COL19A1: variants seen among roughly 807,000 people sequenced by gnomAD.
COL19A1 encodes the protein collagen alpha-1(XIX) chain.
COL19A1 carries 159 observed loss-of-function variants against 190.2 expected under a neutral mutation model. That is an observed-to-expected ratio of 0.84 (90% confidence interval 0.73 to 0.95). COL19A1 has a LOEUF of 0.95. Ranked by LOEUF, COL19A1 falls within the 40% of genes least tolerant of loss-of-function variation. The pLI, the probability that COL19A1 is intolerant of heterozygous loss-of-function variation, is 0.00. For synonymous variants in COL19A1, 509 were observed against 458.9 expected (o/e 1.11, Z -1.39); for missense variants, 1,418 against 1,431.9 (o/e 0.99, Z 0.16).
At chr6:69,921,509 CAT>C (rs1411229188) in intron 4 of COL19A1, among the ~76,000 whole-genome samples, 22 of 81,740 alleles carry the variant, frequency 2.7e-4, no homozygotes, top group African/African-American at 1.0e-3. Flanking sequence ...CATATATATT[CAT>C]ATGTATATTC....
rs574513152 is a variant in COL19A1 at position 70,210,999 on chromosome 6, A to G, written c.*3725A>G. ...CACCACTCTCATATTTTAGTGATCA[A>G]TATGAAGACAGCTAAATAATTATCC... is the stretch of plus-strand genomic sequence containing the variant. On this transcript the variant is annotated 3_prime_UTR_variant, in exon 51 of 51. Transcript: ENST00000620364. Among the ~76,000 whole-genome samples, 2 of 152,150 alleles carry G rather than the reference A, an allele frequency of 1.3e-5. No homozygotes were observed. Among genetic ancestry groups the G allele is most frequent in the East Asian group, 1.9e-4 (1 of 5,180 alleles).
At chr6:70,115,825 GTTT>G (rs57814985) in intron 16 of COL19A1, among the ~76,000 whole-genome samples, 24,446 of 116,952 alleles carry the variant, frequency 0.21, 2,192 homozygotes, top group Non-Finnish European at 0.27. Context: ...TTGGTGTTTT[GTTT>G]TTTTTTTTTT....
intron 15 of COL19A1, among the ~76,000 whole-genome samples, chr6:70,070,657 G>A (rs568087286): frequency 3.4e-4 from 52 of 152,144 alleles, no homozygotes; most frequent in African/African-American, 1.2e-3. Context: ...AAAAATGAGC[G>A]TTCTTACATA....
chr6:70,188,199 C>T lies in COL19A1; in HGVS notation c.2981C>T (p.Pro994Leu). 1 of 1,613,156 alleles carries T rather than the reference C, an allele frequency of 6.2e-7. No individual in the cohort carries two copies. Among genetic ancestry groups the T allele is most frequent in the Admixed American group, 1.7e-5 (1 of 59,946 alleles). ...GGAAACAAGGGCTCCATGGGATCCC[C>T]TGGCCACCAAGGCCCTCCAGGCTCT... ...PPGNKGSMGS[P>L]GHQGPPGSPG... Residue 994 changes from proline to leucine, a missense_variant, in exon 47 of 51, where the codon CCT becomes CTT. Physicochemically the swap from Pro to Leu is moderately conservative, Grantham distance 98 (BLOSUM62 -3). Coordinates refer to ENST00000620364, the MANE Select transcript of COL19A1 (RefSeq NM_001858.6).
At chr6:70,031,842 A>C (rs1467347394) in intron 12 of COL19A1, among the ~76,000 whole-genome samples, 1 of 152,124 alleles carries the variant, frequency 6.6e-6, no homozygotes, top group Non-Finnish European at 1.5e-5. Context: ...TATCACATTC[A>C]GCCTGTTGAC....
intron 15 of COL19A1, among the ~76,000 whole-genome samples, chr6:70,084,322 C>T (rs781123154): frequency 6.6e-6 from 1 of 152,118 alleles, no homozygotes; most frequent in Admixed American, 6.5e-5. Flanking sequence ...TGTTCAGAGT[C>T]ACAAAGCCAG....
Position 70,141,880 on chromosome 6 carries a change from A to C in COL19A1, c.1483-13A>C. 1 of 1,546,870 alleles carries C rather than the reference A, an allele frequency of 6.5e-7. No individual in the cohort carries two copies. The highest frequency in any genetic ancestry group is 8.9e-7 in the Non-Finnish European group (1 of 1,119,632). ...TTTAAGCATTACCCTTATAGTAATTATTTTATTTACAGGGAGAACCTGGGG... is the reference window on the plus strand; with the variant it reads ...TTTAAGCATTACCCTTATAGTAATTCTTTTATTTACAGGGAGAACCTGGGG... On this transcript the variant is annotated splice_polypyrimidine_tract_variant and intron_variant, in intron 20 of 50. Transcript: ENST00000620364.
intron 9 of COL19A1, among the ~76,000 whole-genome samples, chr6:69,956,277 G>A (rs1774413727): frequency 6.6e-6 from 1 of 151,780 alleles, no homozygotes; most frequent in Non-Finnish European, 1.5e-5. Flanking sequence ...TTTCAAATTG[G>A]CCTTATCCTG....
At chr6:69,924,734 C>T (rs1562002828) in intron 4 of COL19A1, among the ~76,000 whole-genome samples, 1 of 152,176 alleles carries the variant, frequency 6.6e-6, no homozygotes, top group Non-Finnish European at 1.5e-5. Flanking sequence ...TCTCCACATC[C>T]TCTCCAGCAC....
At chr6:70,020,386 G>C (rs1421939944) in intron 11 of COL19A1, among the ~76,000 whole-genome samples, 1 of 152,044 alleles carries the variant, frequency 6.6e-6, no homozygotes, top group East Asian at 1.9e-4. Flanking sequence ...TTCATGCTTA[G>C]AGATGCCTTA....
chr6:70,107,992 T>C (rs1348112756), intron 16 of COL19A1, among the ~76,000 whole-genome samples: 1 of 152,192 alleles, frequency 6.6e-6, no homozygotes, highest in South Asian at 2.1e-4. Context: ...AATAGACTTA[T>C]GTTATGATAA....
intron 40 of COL19A1, among the ~76,000 whole-genome samples, chr6:70,169,579 T>A (rs1765380715): frequency 6.6e-6 from 1 of 152,166 alleles, no homozygotes; most frequent in South Asian, 2.1e-4. Flanking sequence ...AGAGATGCAT[T>A]AAAGAGCTGT....
chr6:70,143,137 A>C (rs1786373411), intron 23 of COL19A1, among the ~76,000 whole-genome samples: 1 of 152,192 alleles, frequency 6.6e-6, no homozygotes. Flanking sequence ...TGTCAAAAGA[A>C]ATAAAGAACA....
At chr6:69,875,580 C>T (rs1768084450) in intron 1 of COL19A1, among the ~76,000 whole-genome samples, 2 of 152,066 alleles carry the variant, frequency 1.3e-5, no homozygotes, top group Admixed American at 1.3e-4. Context: ...TGGGGTAACA[C>T]TGACATGACT....
intron 14 of COL19A1, among the ~76,000 whole-genome samples, chr6:70,057,757 A>G (rs1307828312): frequency 6.6e-6 from 1 of 152,094 alleles, no homozygotes; most frequent in Non-Finnish European, 1.5e-5. Flanking sequence ...AATAGCTTGG[A>G]TTATTTTGGT....
intron 14 of COL19A1, among the ~76,000 whole-genome samples, chr6:70,044,175 G>C (rs1779783283): frequency 6.6e-6 from 1 of 152,200 alleles, no homozygotes; most frequent in South Asian, 2.1e-4. Context: ...AGAATTAAGA[G>C]GCAAGGGCTT....
chr6:69,874,137 G>C (rs1392724887), intron 1 of COL19A1, among the ~76,000 whole-genome samples: 1 of 152,142 alleles, frequency 6.6e-6, no homozygotes, highest in Non-Finnish European at 1.5e-5. Flanking sequence ...ATCCAGGGAA[G>C]GTACCAGAGA....
At chr6:69,911,841 A>G (rs1034474565) in intron 4 of COL19A1, among the ~76,000 whole-genome samples, 38 of 152,114 alleles carry the variant, frequency 2.5e-4, no homozygotes, top group African/African-American at 8.5e-4. Context: ...CTTACTCTAC[A>G]AATATATACT....
intron 14 of COL19A1, among the ~76,000 whole-genome samples, chr6:70,064,372 T>C (rs1014481876): frequency 1.1e-4 from 16 of 152,226 alleles, no homozygotes; most frequent in Non-Finnish European, 2.4e-4. Context: ...CATGATTATC[T>C]CAACAGATGC....
Sources: allele counts gnomAD v4.1 joint callset (sites outside exome capture counted in the v4.1 genomes callset), GRCh38; gene constraint gnomAD v4.1.1; transcripts MANE v1.5; gene names NCBI Gene and HGNC (gene_info 2026-07-23, HGNC 2026-07-21).